The following NFATC2 variants were observed in gnomAD, a reference collection of about 807,000 sequenced individuals.
NFATC2 encodes nuclear factor of activated T-cells, cytoplasmic 2.
A neutral mutation model predicts 87.3 loss-of-function variants in NFATC2; 22 were observed. The observed-to-expected ratio is 0.25, with a 90% CI of 0.18 to 0.36. The LOEUF (loss-of-function observed/expected upper bound fraction) is 0.36. Among genes scored for constraint, NFATC2 ranks in the 10% least tolerant of loss-of-function variants. NFATC2 has a pLI of 1.00. For synonymous variants in NFATC2, 565 were observed against 542.2 expected (o/e 1.04, Z -0.58); for missense variants, 1,149 against 1,259.1 (o/e 0.91, Z 1.32).
Position 51,444,633 on chromosome 20 carries a change from T to C in NFATC2, c.1850-8872A>G, listed in dbSNP as rs1172430553. On this transcript the variant is annotated intron_variant, in intron 6 of 10. Transcript: ENST00000371564. ...AGCATGCCACTGGGCTCGAGGCGAATGGGGAGGAAATCAAAGTGTCAGCTC... is the reference window on the plus strand; with the variant it reads ...AGCATGCCACTGGGCTCGAGGCGAACGGGGAGGAAATCAAAGTGTCAGCTC... 2.0e-5 allele frequency among the ~76,000 whole-genome samples: 3 copies of C among 152,232 alleles called. No homozygotes were observed. In the East Asian group the frequency reaches 5.8e-4, roughly 29 times the overall value.
intron 9 of NFATC2, among the ~76,000 whole-genome samples, chr20:51,428,113 G>C (rs1212235112): frequency 1.3e-5 from 2 of 152,116 alleles, no homozygotes; most frequent in Admixed American, 6.5e-5. Context: ...AGGGAAGAAG[G>C]AAGGGTTAAG....
chr20:51,430,057 T>G (rs913489644), intron 9 of NFATC2, among the ~76,000 whole-genome samples: 1 of 152,078 alleles, frequency 6.6e-6, no homozygotes, highest in Admixed American at 6.6e-5. Context: ...GGGGCTGCCA[T>G]AGCCAGTCAT....
intron 9 of NFATC2, among the ~76,000 whole-genome samples, chr20:51,425,320 T>A (rs1981626000): frequency 6.6e-6 from 1 of 152,254 alleles, no homozygotes; most frequent in African/African-American, 2.4e-5. Flanking sequence ...TTTATTGGTG[T>A]CGGCTCCAGG....
intron 2 of NFATC2, among the ~76,000 whole-genome samples, chr20:51,519,276 A>C (rs894604996): frequency 6.6e-6 from 1 of 152,102 alleles, no homozygotes; most frequent in African/African-American, 2.4e-5. Flanking sequence ...GCATATCCCC[A>C]GGTATCAATT....
intron 3 of NFATC2, among the ~76,000 whole-genome samples, chr20:51,500,118 G>A (rs1813154447): frequency 6.6e-6 from 1 of 152,072 alleles, no homozygotes; most frequent in African/African-American, 2.4e-5. Flanking sequence ...GAGATTGAAT[G>A]AGACAACTTT....
intron 2 of NFATC2, among the ~76,000 whole-genome samples, chr20:51,519,155 CA>C (rs1377326094): frequency 2.0e-5 from 3 of 152,154 alleles, no homozygotes; most frequent in Non-Finnish European, 2.9e-5. Flanking sequence ...ATCATATACA[CA>C]AGTGAAAAGT....
intron 3 of NFATC2, among the ~76,000 whole-genome samples, chr20:51,513,029 T>C (rs1385952735): frequency 6.6e-6 from 1 of 152,256 alleles, no homozygotes; most frequent in East Asian, 1.9e-4. Flanking sequence ...AAGTTTTTTT[T>C]TTTAAACTGA....
At chr20:51,451,057 C>A (rs931436516) in intron 6 of NFATC2, among the ~76,000 whole-genome samples, 2 of 152,214 alleles carry the variant, frequency 1.3e-5, no homozygotes, top group Non-Finnish European at 2.9e-5. Flanking sequence ...CTCTTTCCTG[C>A]ACAGTTCCAT....
At position 51,523,791 on chromosome 20, in the gene NFATC2, C is replaced by T. The variant is rs113246969; in HGVS notation, c.450G>A (p.Arg150=). 1.2e-6 allele frequency: 2 copies of T among 1,609,186 alleles called. No individual in the cohort carries two copies. The highest frequency in any genetic ancestry group is 1.3e-5 in the African/African-American group (1 of 74,896). ...PPLAGVAASP[R]FTLPVPGFEG... is the part of the protein sequence containing the mutation. ...CGAAGCCGGGCACGGGCAGGGTGAA[C>T]CTCGGGCTGGCGGCCACCCCGGCCA... The change falls in exon 2 of 11, where the codon AGG becomes AGA. Residue 150 remains arginine, a synonymous_variant. Coordinates refer to ENST00000371564, the MANE Select transcript of NFATC2 (RefSeq NM_012340.5). This position sits in a 1 kb window ranked among gnomAD's most constrained non-coding sequence, Gnocchi z 6.9.
In NFATC2 at chr20:51,516,966, AAAT is replaced by A; in HGVS notation, c.1161-14_1161-12del. ...GCAGTCACTGGGATGCTAAAGGAGA[AAAT>A]AAAATCAGCCATGTGTGCAATAAAC... On this transcript the variant is annotated splice_polypyrimidine_tract_variant and intron_variant, in intron 2 of 10. Transcript: ENST00000371564. 1 of 1,596,964 alleles carries A rather than the reference AAAT, an allele frequency of 6.3e-7. No homozygotes were observed. The highest frequency in any genetic ancestry group is 8.5e-7 in the Non-Finnish European group (1 of 1,171,040).
intron 10 of NFATC2, among the ~76,000 whole-genome samples, chr20:51,397,584 C>T (rs921274279): frequency 3.3e-5 from 5 of 152,238 alleles, no homozygotes; most frequent in East Asian, 1.9e-4. Context: ...TTTTTATCCT[C>T]GGATGCAAAG....
At chr20:51,435,505 T>C (rs1371954454) in intron 7 of NFATC2, among the ~76,000 whole-genome samples, 191 bp from the exon 8 acceptor site, 1 of 152,106 alleles carries the variant, frequency 6.6e-6, no homozygotes, top group Non-Finnish European at 1.5e-5. Context: ...CATCAAAATA[T>C]AATAAGGTGT....
At chr20:51,426,768 G>A (rs1402713248) in intron 9 of NFATC2, among the ~76,000 whole-genome samples, 3 of 152,192 alleles carry the variant, frequency 2.0e-5, no homozygotes, top group South Asian at 2.1e-4. Flanking sequence ...GGTCACTTTT[G>A]TAGAAGGGAA....
intron 5 of NFATC2, among the ~76,000 whole-genome samples, chr20:51,473,506 G>A (rs568979736): frequency 1.3e-5 from 2 of 152,236 alleles, no homozygotes; most frequent in East Asian, 1.9e-4. Flanking sequence ...GCTAGCTCCC[G>A]GGACTGCTGT....
At chr20:51,410,446 G>A (rs1031806293) in intron 9 of NFATC2, among the ~76,000 whole-genome samples, 1 of 152,070 alleles carries the variant, frequency 6.6e-6, no homozygotes, top group African/African-American at 2.4e-5. Context: ...TTTAAGCTTA[G>A]GGGGAGGGGT....
chr20:51,499,343 C>G (rs907751495), intron 3 of NFATC2, among the ~76,000 whole-genome samples: 1 of 152,130 alleles, frequency 6.6e-6, no homozygotes, highest in African/African-American at 2.4e-5. Context: ...CACCCTACCC[C>G]GAGCCCAGCT....
At chr20:51,434,901 TACACAC>T (rs1317126249) in intron 8 of NFATC2, among the ~76,000 whole-genome samples, 3 of 152,158 alleles carry the variant, frequency 2.0e-5, no homozygotes, top group Non-Finnish European at 4.4e-5. Flanking sequence ...TGAACATGCG[TACACAC>T]ACCCTTCTTC....
At chr20:51,485,486 C>T (rs1242147029) in intron 3 of NFATC2, among the ~76,000 whole-genome samples, 1 of 152,120 alleles carries the variant, frequency 6.6e-6, no homozygotes, top group Admixed American at 6.6e-5. Flanking sequence ...TTAAAATATG[C>T]AAGCCTTCTT....
intron 3 of NFATC2, among the ~76,000 whole-genome samples, chr20:51,484,643 C>T (rs1989556513): frequency 6.6e-6 from 1 of 152,256 alleles, no homozygotes; most frequent in African/African-American, 2.4e-5. Flanking sequence ...TATACGCCCA[C>T]ACCGGCTTCT....
Sources: gnomAD v4.1 joint callset for allele counts (sites outside exome capture counted in the v4.1 genomes callset) on GRCh38, gnomAD v4.1.1 for gene constraint, Gnocchi (gnomAD v3.1) non-coding constraint, MANE v1.5 for transcripts, NCBI Gene and HGNC (gene_info 2026-07-23, HGNC 2026-07-21) for gene names.